GGT7: variants seen among roughly 807,000 people sequenced by gnomAD.
GGT7 encodes the protein glutathione hydrolase 7.
Under a neutral mutation model 69.2 loss-of-function variants are expected in GGT7, and 30 were observed. That is an observed-to-expected ratio of 0.43 (90% CI 0.32 to 0.59). The LOEUF (loss-of-function observed/expected upper bound fraction) is 0.59. Ranked by LOEUF, GGT7 falls within the 20% of genes least tolerant of loss-of-function variation. The pLI is 0.05. For missense variants in GGT7, 733 were observed against 901.1 expected, an observed-to-expected ratio of 0.81 and a Z score of 2.39; for synonymous variants, 388 against 391.8, an observed-to-expected ratio of 0.99 and a Z score of 0.12.
At chr20:34,853,460 G>A (rs1485165359) in intron 10 of GGT7, among the ~76,000 whole-genome samples, 1 of 150,776 alleles carries the variant, frequency 6.6e-6, no homozygotes, top group East Asian at 2.0e-4. Flanking sequence ...GAGGCGGGAG[G>A]CTGAAGCAGG....
chr20:34,854,561 G>T lies in GGT7; in HGVS notation c.1289C>A (p.Thr430Asn). 6.2e-7 allele frequency: 1 copy of T among 1,612,770 alleles called. No homozygotes were observed. Among genetic ancestry groups the T allele is most frequent in the Admixed American group, 1.7e-5 (1 of 59,990 alleles). Residue 430 changes from threonine to asparagine, a missense_variant, in exon 10 of 15, where the codon ACC becomes AAC. Transcript: ENST00000336431. The stretch of plus-strand genomic sequence containing the variant: ...CATGTCATCCATGCTCTCAGTGATG[G>T]TAGAATCATAGACGGGATCTCCCAG... ...SRLGDPVYDS[T>N]ITESMDDMLS...
chr20:34,856,388 A>G (rs927400678), intron 8 of GGT7, among the ~76,000 whole-genome samples: 6 of 152,138 alleles, frequency 3.9e-5, no homozygotes, highest in Admixed American at 1.3e-4. Context: ...TCTTTTTGGC[A>G]CTATGAGGAG....
chr20:34,857,911 C>T (rs1411731627), intron 7 of GGT7, among the ~76,000 whole-genome samples: 1 of 152,312 alleles, frequency 6.6e-6, no homozygotes, highest in East Asian at 1.9e-4. Context: ...GCCACCATGG[C>T]CTGGCCCATT....
intron 6 of GGT7, 40 bp downstream of exon 6, chr20:34,859,929 T>C: frequency 2.2e-6 from 3 of 1,350,758 alleles, no homozygotes; most frequent in Non-Finnish European, 3.1e-6. Context: ...CCCTTCTCCA[T>C]CAACCTCATG....
Position 34,856,910 on chromosome 20 carries a change from G to A in GGT7, c.1015-17C>T, listed in dbSNP as rs137895870. 2.3e-5 allele frequency: 35 copies of A among 1,513,882 alleles called. No homozygotes were observed. Among genetic ancestry groups the A allele is most frequent in the Non-Finnish European group, 3.0e-5 (33 of 1,089,414 alleles). The allele number at this position is 1,513,882 out of a possible 1,614,324, so 93.8% of individuals were successfully genotyped here. ...GTGCTGAGCCTGGAGGGAAGAGAAT[G>A]AGGGAATGACCTCCCACCACTGTGA... On this transcript the variant is annotated splice_polypyrimidine_tract_variant and intron_variant, in intron 7 of 14. Transcript: ENST00000336431.
At chr20:34,853,340 G>GGTGTGTGTGT (rs10527077) in intron 10 of GGT7, among the ~76,000 whole-genome samples, 1,774 of 147,364 alleles carry the variant, frequency 0.012, 47 homozygotes, top group African/African-American at 0.041. Flanking sequence ...ATTTCATATA[G>GGTGTGTGTGT]GTGTGTGTGT....
Position 34,861,500 on chromosome 20 carries a change from T to C in GGT7, c.620A>G (p.Glu207Gly). The C allele has an allele frequency of 6.5e-7, 1 of 1,548,144 alleles. No individual in the cohort carries two copies. The highest frequency in any genetic ancestry group is 8.8e-7 in the Non-Finnish European group (1 of 1,136,248). ...RNESHLIDFR[E>G]SAPGALREET... ...TTCCCTGAGGGCCCCTGGTGCGGAC[T>C]CCCGGAAATCAATTAGGTGGCTCTC... is the stretch of plus-strand genomic sequence containing the variant. The change falls in exon 4 of 15, where the codon GAG becomes GGG. Residue 207 changes from glutamate to glycine, a missense_variant. Transcript: ENST00000336431.
chr20:34,854,438 A>G, intron 10 of GGT7, 93 bp downstream of exon 10: 1 of 705,538 alleles, frequency 1.4e-6, no homozygotes, highest in Non-Finnish European at 2.5e-6. Flanking sequence ...TTAGGATTTC[A>G]GGCCTTTATT....
At position 34,863,130 on chromosome 20, in the gene GGT7, T is replaced by C. The variant is rs947058864; in HGVS notation, c.406-165A>G. On this transcript the variant is annotated intron_variant, in intron 2 of 14. Coordinates refer to ENST00000336431, the MANE Select transcript of GGT7 (RefSeq NM_178026.3). The surrounding 1 kb of genome is among the most constrained non-coding windows in gnomAD (Gnocchi z 4.4). ...CAAGTGCCTCCTAATGGATCTGTCC[T>C]TATTCTTCCTTGTTCTGTCTCCCTC... is the stretch of plus-strand genomic sequence containing the variant. Among the ~76,000 whole-genome samples, 1 of 152,104 alleles carries C rather than the reference T, an allele frequency of 6.6e-6. No individual in the cohort carries two copies. Among genetic ancestry groups the C allele is most frequent in the Non-Finnish European group, 1.5e-5 (1 of 67,998 alleles).
At chr20:34,872,124 C>T (rs1326471138) in intron 1 of GGT7, 1 of 152,330 alleles carries the variant, frequency 6.6e-6, no homozygotes, top group African/African-American at 2.4e-5. Context: ...GTCCATGCCT[C>T]CGTCTCCCAA....
chr20:34,851,546 C>A (rs1022217612), intron 12 of GGT7, among the ~76,000 whole-genome samples, 178 bp from the exon 13 acceptor site: 2 of 152,066 alleles, frequency 1.3e-5, no homozygotes, highest in East Asian at 3.9e-4. Context: ...GGGTAGGGTG[C>A]CTGGATGGGT....
chr20:34,866,311 C>T (rs1296033782), intron 1 of GGT7, among the ~76,000 whole-genome samples: 1 of 152,056 alleles, frequency 6.6e-6, no homozygotes, highest in African/African-American at 2.4e-5. Flanking sequence ...ACCGGGAGTG[C>T]TCGTGCATGC....
intron 1 of GGT7, among the ~76,000 whole-genome samples, chr20:34,868,429 C>G (rs2079728286): frequency 6.6e-6 from 1 of 152,154 alleles, no homozygotes; most frequent in Non-Finnish European, 1.5e-5. Context: ...AGGAATAAGT[C>G]TTTTGGGAGA....
intron 7 of GGT7, among the ~76,000 whole-genome samples, chr20:34,857,615 A>ATT (rs5841184): frequency 0.043 from 5,114 of 118,028 alleles, 212 homozygotes; most frequent in Non-Finnish European, 0.073. Context: ...TTACACATTG[A>ATT]TTTTTTTTTT....
At chr20:34,869,503 A>G (rs1301380564) in intron 1 of GGT7, among the ~76,000 whole-genome samples, 1 of 152,172 alleles carries the variant, frequency 6.6e-6, no homozygotes, top group Admixed American at 6.5e-5. Flanking sequence ...CCAGGGAGTG[A>G]CATGACCAGA....
At chr20:34,871,928 T>C (rs911455123) in intron 1 of GGT7, among the ~76,000 whole-genome samples, 3 of 152,126 alleles carry the variant, frequency 2.0e-5, no homozygotes, top group African/African-American at 7.2e-5. Context: ...CCTCCTTCTC[T>C]TACCCCCACT....
In GGT7 at chr20:34,863,811, C is replaced by T; in HGVS notation, c.170-263G>A. 1 of 680,980 alleles carries T rather than the reference C, an allele frequency of 1.5e-6. No individual in the cohort carries two copies. Among genetic ancestry groups the T allele is most frequent in the South Asian group, 1.5e-5 (1 of 65,858 alleles). The allele number at this position is 680,980 out of a possible 1,614,324, so 42.2% of individuals were successfully genotyped here. ...CCTCCCTGATACCTAGGCCAAATTT[C>T]CTGGCACCCAGGGCCCAGGGCTGAG... is the stretch of plus-strand genomic sequence containing the variant. On this transcript the variant is annotated intron_variant, in intron 1 of 14. Coordinates refer to ENST00000336431, the MANE Select transcript of GGT7 (RefSeq NM_178026.3). This position sits in a 1 kb window ranked among gnomAD's most constrained non-coding sequence, Gnocchi z 4.4.
chr20:34,852,192 C>A lies in GGT7; in HGVS notation c.1550G>T (p.Trp517Leu). The stretch of plus-strand genomic sequence containing the variant: ...AGAGTGGTTAGCTGTCCGGTTGGGC[C>A]AGGAGAAGTCCAGCATCTGGCTGTT... Reference protein sequence around the residue: ...LLNSQMLDFSWPNRTANHSAP... With the variant: ...LLNSQMLDFSLPNRTANHSAP... Residue 517 changes from tryptophan (W) to leucine (L), a missense_variant, in exon 12 of 15, where the codon TGG becomes TTG. Coordinates refer to ENST00000336431, the MANE Select transcript of GGT7 (RefSeq NM_178026.3). 1 of 1,613,796 alleles carries A rather than the reference C, an allele frequency of 6.2e-7. No individual in the cohort carries two copies. Among genetic ancestry groups the A allele is most frequent in the Non-Finnish European group, 8.5e-7 (1 of 1,179,666 alleles).
chr20:34,851,287 T>C lies in GGT7; in HGVS notation c.1669A>G (p.Thr557Ala), dbSNP rs754254364. Reference protein sequence around the residue: ...VVRPAEGLCGTYLALGANGAA... With the variant: ...VVRPAEGLCGAYLALGANGAA... Reference sequence around the variant, plus strand: ...CCATTGGCCCCCAGAGCGAGGTAGGTTCCACAGAGCCCCTCCGCGGGTCGG... The same window carrying C: ...CCATTGGCCCCCAGAGCGAGGTAGGCTCCACAGAGCCCCTCCGCGGGTCGG... The change falls in exon 13 of 15, where the codon ACC (threonine) becomes GCC (alanine). Residue 557 changes from threonine to alanine, a missense_variant. Physicochemically the swap from Thr to Ala is moderately conservative, Grantham distance 58. Transcript: ENST00000336431. The C allele has an allele frequency of 1.2e-5, 20 of 1,613,792 alleles. No individual in the cohort carries two copies. In the East Asian group the frequency reaches 4.5e-4, roughly 36 times the overall value.
Sources: gnomAD v4.1 joint callset for allele counts (sites outside exome capture counted in the v4.1 genomes callset) on GRCh38, gnomAD v4.1.1 for gene constraint, Gnocchi (gnomAD v3.1) non-coding constraint, MANE v1.5 for transcripts, NCBI Gene and HGNC (gene_info 2026-07-23, HGNC 2026-07-21) for gene names.